The following SYNPR variants were observed in gnomAD, a reference collection of about 807,000 sequenced individuals.
The protein encoded by SYNPR is synaptoporin.
In SYNPR, 23 loss-of-function variants were observed where a neutral mutation model predicts 32.9. The observed-to-expected ratio is 0.70, with a 90% confidence interval of 0.50 to 0.99. The LOEUF (loss-of-function observed/expected upper bound fraction) is 0.99, where lower values mean the gene tolerates loss of function less well. Among genes scored for constraint, SYNPR ranks in the 50% least tolerant of loss-of-function variants. The probability of loss-of-function intolerance (pLI) is 0.00; values close to 1 mark genes in which losing one functional copy is unlikely to be tolerated. For missense variants in SYNPR, 318 were observed against 349.3 expected, an observed-to-expected ratio of 0.91 and a Z score of 0.71; for synonymous variants, 146 against 135.9, an observed-to-expected ratio of 1.07 and a Z score of -0.52.
chr3:63,298,457 C>A (rs370556365), intron 2 of SYNPR, among the ~76,000 whole-genome samples: 1,332 of 46,442 alleles, frequency 0.029, 25 homozygotes, highest in African/African-American at 0.098. Flanking sequence ...GAAGAACCAG[C>A]GTGATGTAAT....
At chr3:63,555,150 T>A (rs558038892) in intron 3 of SYNPR, among the ~76,000 whole-genome samples, 33 of 152,124 alleles carry the variant, frequency 2.2e-4, no homozygotes, top group African/African-American at 6.7e-4. Context: ...AATTATATCA[T>A]CAGTGAAGAG....
At chr3:63,544,640 T>C (rs1425448604) in intron 3 of SYNPR, among the ~76,000 whole-genome samples, 1 of 152,058 alleles carries the variant, frequency 6.6e-6, no homozygotes, top group Admixed American at 6.6e-5. Flanking sequence ...AACTGCTTGA[T>C]TGGGGGACTT....
At chr3:63,453,179 A>G (rs922532373) in intron 2 of SYNPR, among the ~76,000 whole-genome samples, 2 of 152,168 alleles carry the variant, frequency 1.3e-5, no homozygotes, top group Non-Finnish European at 2.9e-5. Flanking sequence ...AGTTAAAAGA[A>G]TAGGCTTCCA....
intron 2 of SYNPR, among the ~76,000 whole-genome samples, chr3:63,312,456 G>A (rs889822213): frequency 3.3e-5 from 5 of 151,772 alleles, no homozygotes; most frequent in African/African-American, 4.8e-5. Flanking sequence ...TAGTTTTTCA[G>A]TGGGGCTATT....
chr3:63,592,699 AAAATAAAT>A (rs573887996), intron 4 of SYNPR, among the ~76,000 whole-genome samples: 3 of 152,090 alleles, frequency 2.0e-5, no homozygotes, highest in African/African-American at 7.2e-5. Context: ...CACAAATTAA[AAAATAAAT>A]AAATAAATAA....
intron 3 of SYNPR, among the ~76,000 whole-genome samples, chr3:63,529,141 A>G (rs1702067203): frequency 6.6e-6 from 1 of 152,190 alleles, no homozygotes; most frequent in Non-Finnish European, 1.5e-5. Flanking sequence ...GAAGGAAGAC[A>G]GTCATTCTTC....
At chr3:63,477,834 T>C (rs899478002) in intron 2 of SYNPR, among the ~76,000 whole-genome samples, 1 of 152,226 alleles carries the variant, frequency 6.6e-6, no homozygotes, top group African/African-American at 2.4e-5. Context: ...CCCAAGAGCA[T>C]GTCAGCAGGG....
Position 63,313,525 on chromosome 3 carries a change from T to C in SYNPR, c.84+34783T>C, listed in dbSNP as rs551844318. On this transcript the variant is annotated intron_variant, in intron 2 of 5. Coordinates refer to ENST00000478300, the MANE Select transcript of SYNPR (RefSeq NM_001130003.2). ...AAGTCTCCAATCTCATCCAGGTCAC[T>C]GCAAATGCTGTTAATTCATTCCTTT... Among the ~76,000 whole-genome samples, 70 of 150,838 alleles carry C rather than the reference T, an allele frequency of 4.6e-4. 1 individual carries two copies. Among genetic ancestry groups the C allele is most frequent in the Middle Eastern group, 3.4e-3 (1 of 292 alleles).
chr3:63,252,887 A>T (rs1195889368), intron 2 of SYNPR, among the ~76,000 whole-genome samples: 1 of 151,914 alleles, frequency 6.6e-6, no homozygotes, highest in Non-Finnish European at 1.5e-5. Flanking sequence ...AAAAATACAA[A>T]AATTATCCAG....
In SYNPR at chr3:63,551,958, C is replaced by T. The variant is rs1225454759; in HGVS notation, c.210-4585C>T. 7.2e-5 allele frequency among the ~76,000 whole-genome samples: 11 copies of T among 151,804 alleles called. 1 individual carries two copies. Among genetic ancestry groups the T allele is most frequent in the Admixed American group, 5.9e-4 (9 of 15,226 alleles). Reference sequence around the variant, plus strand: ...TGTTGTCCAGGCTGAGGTGCAATGGCCTGGTTTTGGCTCGCTGCAACCTCT... The same window carrying T: ...TGTTGTCCAGGCTGAGGTGCAATGGTCTGGTTTTGGCTCGCTGCAACCTCT... On this transcript the variant is annotated intron_variant, in intron 3 of 5. Coordinates refer to ENST00000478300, the MANE Select transcript of SYNPR (RefSeq NM_001130003.2).
intron 2 of SYNPR, among the ~76,000 whole-genome samples, chr3:63,295,140 G>A (rs1221929819): frequency 6.6e-6 from 1 of 152,042 alleles, no homozygotes. Flanking sequence ...AACTGAGATA[G>A]CATTATGGAT....
intron 2 of SYNPR, among the ~76,000 whole-genome samples, chr3:63,405,381 C>T (rs1487141186): frequency 6.6e-6 from 1 of 152,088 alleles, no homozygotes; most frequent in Non-Finnish European, 1.5e-5. Flanking sequence ...AAGCTTGTAC[C>T]AAATGCTGAG....
chr3:63,489,553 T>A (rs1172281706), intron 3 of SYNPR, among the ~76,000 whole-genome samples: 1 of 152,200 alleles, frequency 6.6e-6, no homozygotes, highest in East Asian at 1.9e-4. Flanking sequence ...TTAATTATTC[T>A]TATTAATTTT....
intron 1 of SYNPR, 57 bp downstream of exon 1, chr3:63,278,608 G>C: frequency 6.4e-7 from 1 of 1,550,590 alleles, no homozygotes; most frequent in Non-Finnish European, 8.7e-7. Flanking sequence ...GGATGCCGCG[G>C]CTTGGGAGAG....
chr3:63,516,503 G>A (rs952589964), intron 3 of SYNPR, among the ~76,000 whole-genome samples: 16 of 152,130 alleles, frequency 1.1e-4, no homozygotes, highest in Admixed American at 2.0e-4. Flanking sequence ...TCTAAAGGAA[G>A]GAAGAATATT....
chr3:63,594,135 G>A (rs1232408088), intron 4 of SYNPR, among the ~76,000 whole-genome samples: 1 of 151,958 alleles, frequency 6.6e-6, no homozygotes, highest in African/African-American at 2.4e-5. Context: ...TTGTGGTGAA[G>A]ATGAAATGAG....
chr3:63,315,617 A>G (rs2087031994), intron 2 of SYNPR, among the ~76,000 whole-genome samples: 2 of 152,050 alleles, frequency 1.3e-5, no homozygotes, highest in African/African-American at 4.8e-5. Context: ...GAATTCTTTT[A>G]TCAGTTTTAG....
At chr3:63,239,877 T>A (rs1228445531) in intron 1 of SYNPR, among the ~76,000 whole-genome samples, 2 of 152,010 alleles carry the variant, frequency 1.3e-5, no homozygotes, top group Non-Finnish European at 2.9e-5. Context: ...CATGCACCCA[T>A]CCTACCATTG....
chr3:63,359,319 A>C (rs2087626837), intron 2 of SYNPR, among the ~76,000 whole-genome samples: 1 of 152,216 alleles, frequency 6.6e-6, no homozygotes, highest in Non-Finnish European at 1.5e-5. Context: ...ATGTGAATTA[A>C]ATTTCTGTAC....
Sources: gnomAD v4.1 joint callset for allele counts (sites outside exome capture counted in the v4.1 genomes callset) on GRCh38, gnomAD v4.1.1 for gene constraint, MANE v1.5 for transcripts, NCBI Gene and HGNC (gene_info 2026-07-23, HGNC 2026-07-21) for gene names.